The following GARIN1A variants were observed in gnomAD, a reference collection of about 807,000 sequenced individuals.
GARIN1A encodes the protein golgi associated RAB2 interactor 1A.
At chr7:128,698,451 C>A in the GARIN1A span, among the ~76,000 whole-genome samples, 1 of 152,074 alleles carries the variant, frequency 6.6e-6, no homozygotes, top group African/African-American at 2.4e-5. Flanking sequence ...GTCTCTCCTG[C>A]CCCTCCTTAA....
At chr7:128,679,005 C>T in the GARIN1A span, among the ~76,000 whole-genome samples, 1 of 150,746 alleles carries the variant, frequency 6.6e-6, no homozygotes, top group Non-Finnish European at 1.5e-5. Flanking sequence ...TACATATATA[C>T]TTATGTAACG....
At chr7:128,681,461 C>CCCTCT in the GARIN1A span, among the ~76,000 whole-genome samples, 11 of 107,450 alleles carry the variant, frequency 1.0e-4, no homozygotes, top group South Asian at 8.6e-4. Flanking sequence ...CCCTCCCCTC[C>CCCTCT]CCTCCCCTCT....
chr7:128,675,684 C>T, the GARIN1A span: 1 of 1,613,614 alleles, frequency 6.2e-7, no homozygotes. Flanking sequence ...GGTCACTAAG[C>T]CCGGGAACTG....
chr7:128,678,887 G>A, the GARIN1A span, among the ~76,000 whole-genome samples: 2 of 151,570 alleles, frequency 1.3e-5, no homozygotes, highest in Non-Finnish European at 2.9e-5. Flanking sequence ...AGTATAATAG[G>A]TAAAGAAGTG....
chr7:128,701,102 G>A, the GARIN1A span, among the ~76,000 whole-genome samples: 59 of 151,700 alleles, frequency 3.9e-4, no homozygotes, highest in Middle Eastern at 0.01. Flanking sequence ...GGTTCTGGAC[G>A]TGGAACCCAC....
chr7:128,690,069 T>C, the GARIN1A span, among the ~76,000 whole-genome samples: 5 of 152,182 alleles, frequency 3.3e-5, no homozygotes, highest in African/African-American at 1.2e-4. Context: ...CTAAGAAAAA[T>C]TCTTCTGCCT....
the GARIN1A span, among the ~76,000 whole-genome samples, chr7:128,678,960 TTACA>T: frequency 4.0e-5 from 6 of 151,410 alleles, no homozygotes; most frequent in Admixed American, 1.3e-4. Flanking sequence ...GTAACAATCG[TTACA>T]TACATATATA....
chr7:128,690,416 A>T, the GARIN1A span: 2 of 109,738 alleles, frequency 1.8e-5, no homozygotes, highest in Non-Finnish European at 1.9e-5. Context: ...ATAAATAAAT[A>T]AATAATAATA....
the GARIN1A span, chr7:128,686,396 G>A: frequency 6.6e-6 from 1 of 152,116 alleles, no homozygotes; most frequent in Non-Finnish European, 1.5e-5. Flanking sequence ...TTTTATAAAT[G>A]ATAAACCGGA....
chr7:128,691,513 A>G, the GARIN1A span: 1 of 152,188 alleles, frequency 6.6e-6, no homozygotes, highest in Non-Finnish European at 1.5e-5. Flanking sequence ...CTCCATTCCT[A>G]GGAGGCTAGG....
the GARIN1A span, among the ~76,000 whole-genome samples, chr7:128,675,252 T>C: frequency 4.6e-5 from 7 of 152,310 alleles, no homozygotes; most frequent in African/African-American, 1.7e-4. Flanking sequence ...CAACTCAAGC[T>C]GTCTGGGTCT....
the GARIN1A span, among the ~76,000 whole-genome samples, chr7:128,695,713 G>T: frequency 1.3e-5 from 2 of 151,372 alleles, no homozygotes; most frequent in Non-Finnish European, 2.9e-5. The surrounding 1 kb of genome is among the most constrained non-coding windows in gnomAD (Gnocchi z 4.5). Context: ...GCTAATTTTT[G>T]TAGATTCTTT....
At chr7:128,675,607 C>A in the GARIN1A span, 1 of 1,535,166 alleles carries the variant, frequency 6.5e-7, no homozygotes, top group Non-Finnish European at 8.9e-7. Flanking sequence ...GTGCCACTTT[C>A]CAGCATCTGT....
the GARIN1A span, among the ~76,000 whole-genome samples, chr7:128,679,295 C>T: frequency 2.0e-5 from 3 of 151,990 alleles, no homozygotes; most frequent in Admixed American, 1.3e-4. Flanking sequence ...CAGGTTCAAG[C>T]GATTCTCCTG....
chr7:128,682,951 T>G, the GARIN1A span: 1 of 1,555,602 alleles, frequency 6.4e-7, no homozygotes, highest in Non-Finnish European at 8.7e-7. Flanking sequence ...CAAAATTCCC[T>G]GGGCTCCTAC....
At chr7:128,709,017 T>C in the GARIN1A span, 2 of 152,204 alleles carry the variant, frequency 1.3e-5, no homozygotes, top group African/African-American at 4.8e-5. Flanking sequence ...ATTATGCCAT[T>C]TTCAGGTCAT....
the GARIN1A span, among the ~76,000 whole-genome samples, chr7:128,689,194 C>T: frequency 0.019 from 2,916 of 152,252 alleles, 44 homozygotes; most frequent in South Asian, 0.052. Flanking sequence ...TCCAAAGTGC[C>T]GAGATTGCAG....
the GARIN1A span, among the ~76,000 whole-genome samples, chr7:128,682,319 G>A: frequency 9.9e-5 from 15 of 152,070 alleles, no homozygotes; most frequent in Admixed American, 5.2e-4. Flanking sequence ...TTTAGTCCCC[G>A]GGATTTTGTC....
At chr7:128,683,329 A>C in the GARIN1A span, 1 of 552,188 alleles carries the variant, frequency 1.8e-6, no homozygotes, top group Non-Finnish European at 3.1e-6. Context: ...TAATTTTTGC[A>C]GGTTGGGCTA....
Sources: gnomAD v4.1 joint callset for allele counts (sites outside exome capture counted in the v4.1 genomes callset) on GRCh38, gnomAD v4.1.1 for gene constraint, Gnocchi (gnomAD v3.1) non-coding constraint, MANE v1.5 for transcripts, NCBI Gene and HGNC (gene_info 2026-07-23, HGNC 2026-07-21) for gene names.